The following TF variants were observed in gnomAD, a reference collection of about 807,000 sequenced individuals.
TF encodes the protein serotransferrin.
A neutral mutation model predicts 82.4 loss-of-function variants in TF; 55 were observed. That is an observed-to-expected ratio of 0.67 (90% CI 0.54 to 0.84). The LOEUF is 0.84. Among genes scored for constraint, TF ranks in the 40% least tolerant of loss-of-function variants. The pLI is 0.00. For missense variants in TF, 737 were observed against 868.4 expected, an observed-to-expected ratio of 0.85 and a Z score of 1.90; for synonymous variants, 332 against 332.6, an observed-to-expected ratio of 1.00 and a Z score of 0.02.
chr3:133,725,839 C>G, the TF span, among the ~76,000 whole-genome samples: 1 of 152,066 alleles, frequency 6.6e-6, no homozygotes, highest in Non-Finnish European at 1.5e-5. Context: ...CCATCAATAC[C>G]TAATTTATTG....
rs369862318 is a variant in TF, at chr3:133,777,087, C to T, written c.1911C>T (p.Asn637=). 6.8e-6 allele frequency: 11 copies of T among 1,614,182 alleles called. No individual in the cohort carries two copies. The highest frequency in any genetic ancestry group is 7.6e-6 in the Non-Finnish European group (9 of 1,180,032). The change falls in exon 16 of 17, where the codon AAC becomes AAT. Residue 637 remains asparagine (N), a synonymous_variant. Coordinates refer to ENST00000402696, the MANE Select transcript of TF (RefSeq NM_001063.4). ...GCAACGTAACTGACTGCTCGGGCAA[C>T]TTTTGTTTGTTCCGGTCGGAAACCA... is the stretch of plus-strand genomic sequence containing the variant. The part of the protein sequence containing the change: ...FGSNVTDCSG[N]FCLFRSETKD...
chr3:133,737,564 C>T, the TF span, among the ~76,000 whole-genome samples: 2,294 of 150,736 alleles, frequency 0.015, 52 homozygotes, highest in African/African-American at 0.051. Flanking sequence ...CAAAATGGAC[C>T]GCTAGCCAGA....
chr3:133,708,208 A>G, the TF span, among the ~76,000 whole-genome samples: 1 of 152,200 alleles, frequency 6.6e-6, no homozygotes, highest in South Asian at 2.1e-4. Flanking sequence ...GATATAACTT[A>G]GATTCAGCCA....
At chr3:133,754,367 C>T in intron 3 of TF, 128 bp from the exon 4 acceptor site, 1 of 935,922 alleles carries the variant, frequency 1.1e-6, no homozygotes, top group Admixed American at 1.8e-5. Flanking sequence ...TGATTCCCCA[C>T]TCCTTATCGC....
intron 1 of TF, among the ~76,000 whole-genome samples, chr3:133,747,567 G>A (rs1392744058): frequency 6.6e-5 from 10 of 152,208 alleles, no homozygotes; most frequent in Admixed American, 5.2e-4. Flanking sequence ...TGGGGACAGG[G>A]CAAAAGCTCA....
the TF span, among the ~76,000 whole-genome samples, chr3:133,726,009 A>C: frequency 4.2e-4 from 64 of 152,336 alleles, 1 homozygote; most frequent in South Asian, 0.012. Flanking sequence ...GATGAAGCCC[A>C]CTTGATCATG....
rs766883577 is a variant in TF, at chr3:133,756,929, C to G, written c.790C>G (p.Gln264Glu). ...VDEYKDCHLA[Q>E]VPSHTVVARS... ...TGAATACAAGGACTGCCACTTGGCC[C>G]AGGTCCCTTCTCATACCGTCGTGGC... is the stretch of plus-strand genomic sequence containing the variant. Residue 264 changes from glutamine (Q) to glutamate (E), a missense_variant, in exon 7 of 17, where the codon CAG becomes GAG. Gln to Glu is a conservative substitution (Grantham distance 29). Transcript: ENST00000402696. 133 of 1,614,066 alleles carry G rather than the reference C, an allele frequency of 8.2e-5. 1 individual carries two copies. The highest frequency in any genetic ancestry group is 1.1e-4 in the Non-Finnish European group (132 of 1,180,044).
intron 10 of TF, among the ~76,000 whole-genome samples, chr3:133,764,557 T>C (rs1934077350): frequency 6.6e-6 from 1 of 152,200 alleles, no homozygotes; most frequent in African/African-American, 2.4e-5. Flanking sequence ...TTTCTGGCAG[T>C]CTTCCAGGTT....
At chr3:133,701,029 T>C in the TF span, 1 of 152,572 alleles carries the variant, frequency 6.6e-6, no homozygotes, top group Non-Finnish European at 1.5e-5. Flanking sequence ...TGAGTATTTT[T>C]CCGCGACTCA....
chr3:133,676,367 C>A, the TF span, among the ~76,000 whole-genome samples: 10 of 152,130 alleles, frequency 6.6e-5, no homozygotes, highest in Non-Finnish European at 1.0e-4. Flanking sequence ...ATGCAAGGGG[C>A]CCCTTCCTGT....
intron 8 of TF, among the ~76,000 whole-genome samples, chr3:133,758,827 T>G (rs1933907661): frequency 6.6e-6 from 1 of 152,126 alleles, no homozygotes; most frequent in Non-Finnish European, 1.5e-5. Context: ...TCTGTTCTCC[T>G]GCAGAAAACC....
At chr3:133,694,883 T>TTTA in the TF span, among the ~76,000 whole-genome samples, 3 of 125,356 alleles carry the variant, frequency 2.4e-5, no homozygotes, top group African/African-American at 9.2e-5. Context: ...TATTTATTTA[T>TTTA]TTATTATTAT....
At chr3:133,679,423 C>A in the TF span, among the ~76,000 whole-genome samples, 1 of 152,164 alleles carries the variant, frequency 6.6e-6, no homozygotes, top group South Asian at 2.1e-4. Flanking sequence ...ATATAACTAT[C>A]CACGTAATTA....
chr3:133,709,520 T>C, the TF span: 1 of 153,918 alleles, frequency 6.5e-6, no homozygotes, highest in Non-Finnish European at 1.5e-5. Flanking sequence ...TAGGCTATTA[T>C]GTCATGGCTG....
the TF span, among the ~76,000 whole-genome samples, chr3:133,678,851 T>TTTTTGTTTTG: frequency 0.047 from 6,989 of 149,400 alleles, 579 homozygotes; most frequent in East Asian, 0.35. Flanking sequence ...GCCCAGCTAT[T>TTTTTGTTTTG]TTTTGTTTTG....
the TF span, among the ~76,000 whole-genome samples, chr3:133,693,091 T>C: frequency 6.6e-6 from 1 of 152,328 alleles, no homozygotes; most frequent in South Asian, 2.1e-4. Context: ...TGGCTGGGTG[T>C]GTGCACCAGC....
At chr3:133,771,533 C>T (rs994070184) in intron 14 of TF, among the ~76,000 whole-genome samples, 2 of 151,302 alleles carry the variant, frequency 1.3e-5, no homozygotes, top group Non-Finnish European at 2.9e-5. Context: ...GTCAGGAGAT[C>T]GAGACCATCC....
intron 14 of TF, chr3:133,773,485 T>TTG (rs68187578): frequency 0.15 from 22,197 of 148,798 alleles, 1,645 homozygotes; most frequent in African/African-American, 0.19. Flanking sequence ...TTATCACAAT[T>TTG]TGTGTGTGTG....
At chr3:133,696,882 T>G in the TF span, among the ~76,000 whole-genome samples, 2 of 152,146 alleles carry the variant, frequency 1.3e-5, no homozygotes, top group African/African-American at 2.4e-5. Context: ...TTCAGACTAA[T>G]TGAGTTTCCA....
Sources: allele counts gnomAD v4.1 joint callset (sites outside exome capture counted in the v4.1 genomes callset), GRCh38; gene constraint gnomAD v4.1.1; transcripts MANE v1.5; gene names NCBI Gene and HGNC (gene_info 2026-07-23, HGNC 2026-07-21).